TMEM161B: variants seen among roughly 807,000 people sequenced by gnomAD.
TMEM161B encodes the protein transmembrane protein 161B.
In TMEM161B, 34 loss-of-function variants were observed where a neutral mutation model predicts 61.8. That is an observed-to-expected ratio of 0.55 (90% confidence interval 0.42 to 0.73). The LOEUF (loss-of-function observed/expected upper bound fraction) is 0.73, where lower values mean the gene tolerates loss of function less well. Among genes scored for constraint, TMEM161B ranks in the 30% least tolerant of loss-of-function variants. The pLI is 0.00. For missense variants in TMEM161B, 456 were observed against 558.5 expected (o/e 0.82, Z 1.85); for synonymous variants, 167 against 192.8 (o/e 0.87, Z 1.11).
chr5:88,245,402 G>GC (rs1753453915), intron 1 of TMEM161B, among the ~76,000 whole-genome samples: 1 of 151,858 alleles, frequency 6.6e-6, no homozygotes, highest in Non-Finnish European at 1.5e-5. Context: ...AAATACATTA[G>GC]TAAGTATGCC....
At chr5:88,230,969 T>C (rs1750890068) in intron 2 of TMEM161B, among the ~76,000 whole-genome samples, 3 of 152,252 alleles carry the variant, frequency 2.0e-5, no homozygotes, top group South Asian at 2.1e-4. Flanking sequence ...GGAAATTAAG[T>C]TGGATCATTG....
At chr5:88,259,721 CCGGA>C (rs1755456005) in intron 1 of TMEM161B, among the ~76,000 whole-genome samples, 7 of 152,190 alleles carry the variant, frequency 4.6e-5, no homozygotes, top group African/African-American at 1.4e-4. Context: ...TACTGCTATG[CCGGA>C]TAGTAATGAT....
In TMEM161B at chr5:88,220,727, G is replaced by GAAAAAAAA. The variant is rs764112016; in HGVS notation, c.290-16_290-9dup. On this transcript the variant is annotated splice_polypyrimidine_tract_variant and intron_variant, in intron 4 of 11. Coordinates refer to ENST00000296595, the MANE Select transcript of TMEM161B (RefSeq NM_153354.5). ...CTGGAAAGTAATGCAATGCTGGAAA[G>GAAAAAAAA]AAAAAAAAAAAAAAAAAAAAAAAAG... 3.1e-4 allele frequency: 184 copies of GAAAAAAAA among 602,434 alleles called. 4 individuals carry two copies. The highest frequency in any genetic ancestry group is 1.4e-3 in the Middle Eastern group (2 of 1,416). 37.3% of individuals were successfully genotyped at this position (602,434 alleles called of 1,614,324 possible). A position where few individuals can be genotyped will look rare whatever the true frequency, so the allele number is the denominator to read the frequency against.
rs571995201 is a variant in TMEM161B, at chr5:88,243,707, C to T, written c.4-2791G>A. ...CAATGGCTGAACTAATTTGCATTCC[C>T]ACCAGCAGAGCATAAGTGATTCCTT... is the stretch of plus-strand genomic sequence containing the variant. On this transcript the variant is annotated intron_variant, in intron 1 of 11. Coordinates refer to ENST00000296595, the MANE Select transcript of TMEM161B (RefSeq NM_153354.5). Among the ~76,000 whole-genome samples, 3 of 152,016 alleles carry T rather than the reference C, an allele frequency of 2.0e-5. No homozygotes were observed. In the South Asian group the frequency reaches 6.2e-4, roughly 32 times the overall value.
At chr5:88,247,503 AG>A (rs1241046418) in intron 1 of TMEM161B, among the ~76,000 whole-genome samples, 1 of 152,124 alleles carries the variant, frequency 6.6e-6, no homozygotes, top group East Asian at 1.9e-4. Context: ...GTTAGAAAAG[AG>A]AAAATAAAAA....
chr5:88,259,851 A>C (rs1755474783), intron 1 of TMEM161B, among the ~76,000 whole-genome samples: 1 of 152,210 alleles, frequency 6.6e-6, no homozygotes, highest in Non-Finnish European at 1.5e-5. Flanking sequence ...AATTTCAAAC[A>C]CTAGATTGAA....
chr5:88,188,159 G>A (rs1479270898), downstream of TMEM161B, among the ~76,000 whole-genome samples: 1 of 151,854 alleles, frequency 6.6e-6, no homozygotes, highest in Non-Finnish European at 1.5e-5. Flanking sequence ...GGCTGGAGTA[G>A]AGTGGCATGA....
intron 1 of TMEM161B, among the ~76,000 whole-genome samples, chr5:88,262,881 G>A (rs906873931): frequency 1.5e-4 from 23 of 152,170 alleles, no homozygotes; most frequent in Middle Eastern, 6.8e-3. Flanking sequence ...TAAGATTTCT[G>A]TGAACCTAAA....
At chr5:88,219,887 G>A (rs1411674245) in intron 5 of TMEM161B, among the ~76,000 whole-genome samples, 2 of 152,040 alleles carry the variant, frequency 1.3e-5, no homozygotes, top group Non-Finnish European at 2.9e-5. Context: ...ATGAGATCTA[G>A]ACAGGGGTAG....
chr5:88,205,986 A>AT, intron 7 of TMEM161B, 32 bp from the exon 8 acceptor site: 1 of 1,438,890 alleles, frequency 6.9e-7, no homozygotes, highest in Non-Finnish European at 9.5e-7. Context: ...AAGCTGATAA[A>AT]TTTTTATAAT....
chr5:88,196,323 G>T lies in TMEM161B; in HGVS notation c.1352C>A (p.Thr451Asn), dbSNP rs1213578298. Residue 451 changes from threonine (T) to asparagine (N), a missense_variant, in exon 12 of 12, where the codon ACT (threonine) becomes AAT (asparagine). By Grantham distance (65) the Thr-to-Asn change is moderately conservative (BLOSUM62 0). This residue lies in a region of TMEM161B where 367 missense variants were observed against 427.3 expected (regional missense o/e 0.86). Coordinates refer to ENST00000296595, the MANE Select transcript of TMEM161B (RefSeq NM_153354.5). ...VALSSLKNIF[T>N]PLLFRGLLSF... The stretch of plus-strand genomic sequence containing the variant: ...CAGAAGTCCTCGAAAAAGAAGAGGA[G>T]TAAAAATATTTTTTAAGCTGCTCAG... 6.2e-7 allele frequency: 1 copy of T among 1,613,404 alleles called. No individual in the cohort carries two copies. Among genetic ancestry groups the T allele is most frequent in the Admixed American group, 1.7e-5 (1 of 59,916 alleles).
intron 1 of TMEM161B, among the ~76,000 whole-genome samples, chr5:88,246,112 CTCTA>C (rs1159991781): frequency 1.3e-5 from 2 of 151,766 alleles, no homozygotes; most frequent in Non-Finnish European, 1.5e-5. Flanking sequence ...TGTAACCTCA[CTCTA>C]TCTCTTTACT....
chr5:88,251,124 T>TA (rs1236925137), intron 1 of TMEM161B: 1 of 152,124 alleles, frequency 6.6e-6, no homozygotes, highest in African/African-American at 2.4e-5. Flanking sequence ...GAATGGAGAC[T>TA]GCTGCTTAGT....
At chr5:88,247,571 G>A (rs1753775584) in intron 1 of TMEM161B, among the ~76,000 whole-genome samples, 1 of 152,032 alleles carries the variant, frequency 6.6e-6, no homozygotes, top group South Asian at 2.1e-4. Flanking sequence ...CTGTTTACAT[G>A]TTTTAGAGAC....
At chr5:88,198,684 T>A (rs1213508452) in intron 10 of TMEM161B, 2 of 245,100 alleles carry the variant, frequency 8.2e-6, no homozygotes, top group African/African-American at 2.2e-5. Flanking sequence ...TATGTTATAA[T>A]GTCTTTCAAA....
chr5:88,248,532 C>T (rs894072322), intron 1 of TMEM161B, among the ~76,000 whole-genome samples: 1 of 151,972 alleles, frequency 6.6e-6, no homozygotes, highest in Non-Finnish European at 1.5e-5. Flanking sequence ...TGAGAGGGAT[C>T]GCTCTGCTTA....
At chr5:88,208,680 A>G (rs1205191097) in intron 5 of TMEM161B, among the ~76,000 whole-genome samples, 1 of 152,182 alleles carries the variant, frequency 6.6e-6, no homozygotes, top group East Asian at 1.9e-4. Context: ...CAACAAAAAA[A>G]CAACAACTGT....
chr5:88,192,878 T>C (rs1170492330), downstream of TMEM161B, among the ~76,000 whole-genome samples: 1 of 152,224 alleles, frequency 6.6e-6, no homozygotes, highest in Admixed American at 6.5e-5. Context: ...GAAAGAATAA[T>C]ATCTATCCAG....
intron 2 of TMEM161B, among the ~76,000 whole-genome samples, chr5:88,234,921 C>A (rs1327027366): frequency 2.6e-5 from 4 of 152,098 alleles, no homozygotes; most frequent in Non-Finnish European, 5.9e-5. Context: ...ATAAGCCTTT[C>A]ATATTTAAGT....
Sources: gnomAD v4.1 joint callset for allele counts (sites outside exome capture counted in the v4.1 genomes callset) on GRCh38, gnomAD v4.1.1 for gene constraint, gnomAD v4.1.1 regional missense constraint, MANE v1.5 for transcripts, NCBI Gene and HGNC (gene_info 2026-07-23, HGNC 2026-07-21) for gene names.